FUT8: variants seen among roughly 807,000 people sequenced by gnomAD.
The protein encoded by FUT8 is alpha-(1,6)-fucosyltransferase.
Under a neutral mutation model 71.3 loss-of-function variants are expected in FUT8, and 29 were observed. The ratio of observed to expected loss-of-function variants is 0.41; its 90% CI spans 0.30 to 0.55. The LOEUF is 0.55. FUT8 is among the 20% of genes least tolerant of loss of function. The pLI is 0.34. For synonymous variants in FUT8, 254 were observed against 239.3 expected (o/e 1.06, Z -0.57); for missense variants, 544 against 702.1 (o/e 0.77, Z 2.55).
At chr14:65,385,345 A>G in the FUT8 span, among the ~76,000 whole-genome samples, 13 of 99,900 alleles carry the variant, frequency 1.3e-4, no homozygotes, top group African/African-American at 4.8e-4. Flanking sequence ...TGTATGCACT[A>G]TGCTTAAAAA....
At chr14:65,640,729 CA>C (rs1209812166) in intron 6 of FUT8, among the ~76,000 whole-genome samples, 1 of 151,926 alleles carries the variant, frequency 6.6e-6, no homozygotes, top group East Asian at 1.9e-4. Flanking sequence ...AATGAATTAT[CA>C]ATGTAACACT....
At chr14:65,445,615 TAAG>T (rs745631259) in intron 1 of FUT8, among the ~76,000 whole-genome samples, 38 of 152,166 alleles carry the variant, frequency 2.5e-4, no homozygotes, top group Non-Finnish European at 4.7e-4. Flanking sequence ...TATGCTAACT[TAAG>T]AAATAAAATG....
chr14:65,520,649 G>C (rs1883019395), intron 2 of FUT8, among the ~76,000 whole-genome samples: 1 of 151,604 alleles, frequency 6.6e-6, no homozygotes, highest in African/African-American at 2.4e-5. Flanking sequence ...GATCATTTTA[G>C]TGTAGTTACT....
At chr14:65,516,148 C>G (rs1882691763) in intron 2 of FUT8, 2 of 151,142 alleles carry the variant, frequency 1.3e-5, no homozygotes, top group African/African-American at 4.9e-5. Context: ...GCATGGTACT[C>G]TAGCCTAGGC....
In FUT8 at chr14:65,439,954, G is replaced by GTGTATATATATA; in HGVS notation, c.-325-15666_-325-15665insGTATATATATAT. ...ATAAAGAAAATGTGTGTGTGTGTGT[G>GTGTATATATATA]TATATATATATATATATATATATAT... is the stretch of plus-strand genomic sequence containing the variant. On this transcript the variant is annotated intron_variant, in intron 1 of 10. Coordinates refer to ENST00000673929, the MANE Select transcript of FUT8 (RefSeq NM_001371533.1). 4.0e-3 allele frequency among the ~76,000 whole-genome samples: 297 copies of GTGTATATATATA among 74,864 alleles called. 6 individuals are homozygous for GTGTATATATATA. The highest frequency in any genetic ancestry group is 9.4e-3 in the African/African-American group (185 of 19,726). 49.1% of individuals were successfully genotyped at this position (74,864 alleles called of 152,430 possible). A position where few individuals can be genotyped will look rare whatever the true frequency, so the allele number is the denominator to read the frequency against.
intron 2 of FUT8, among the ~76,000 whole-genome samples, chr14:65,551,771 T>A (rs1885299105): frequency 6.6e-6 from 1 of 152,152 alleles, no homozygotes; most frequent in South Asian, 2.1e-4. Context: ...CCTGCTTATA[T>A]TTTTGGGGAG....
At chr14:65,656,135 A>G (rs140223107) in intron 6 of FUT8, among the ~76,000 whole-genome samples, 215 of 152,284 alleles carry the variant, frequency 1.4e-3, no homozygotes, top group African/African-American at 5.0e-3. Flanking sequence ...AGAAATGACC[A>G]ACATCCAAAT....
At chr14:65,606,048 T>G (rs1443300981) in intron 3 of FUT8, among the ~76,000 whole-genome samples, 1 of 150,812 alleles carries the variant, frequency 6.6e-6, no homozygotes, top group Non-Finnish European at 1.5e-5. Context: ...ACTTGTCTAT[T>G]AATTTTATTG....
chr14:65,492,936 C>G (rs2066503445), intron 2 of FUT8, among the ~76,000 whole-genome samples: 1 of 152,016 alleles, frequency 6.6e-6, no homozygotes, highest in Non-Finnish European at 1.5e-5. Flanking sequence ...TCCCTTCTCT[C>G]CTCCCCTTTA....
At chr14:65,600,492 A>G (rs1888236458) in intron 3 of FUT8, among the ~76,000 whole-genome samples, 1 of 152,228 alleles carries the variant, frequency 6.6e-6, no homozygotes, top group African/African-American at 2.4e-5. Context: ...AAGCGCTTAC[A>G]TTAAATAAGT....
chr14:65,517,556 A>G (rs1193918850), intron 2 of FUT8, among the ~76,000 whole-genome samples: 1 of 152,220 alleles, frequency 6.6e-6, no homozygotes. Context: ...CACAGTCAAC[A>G]TATGCATATT....
At chr14:65,569,001 A>G (rs928307570) in intron 3 of FUT8, among the ~76,000 whole-genome samples, 1 of 151,724 alleles carries the variant, frequency 6.6e-6, no homozygotes, top group African/African-American at 2.4e-5. Context: ...AGATATTTCT[A>G]TTGAGTGTAG....
the FUT8 span, among the ~76,000 whole-genome samples, chr14:65,372,493 G>A: frequency 2.0e-5 from 3 of 150,860 alleles, no homozygotes; most frequent in Non-Finnish European, 4.4e-5. Flanking sequence ...TTGGCTCACT[G>A]CAACCTCTGC....
intron 2 of FUT8, among the ~76,000 whole-genome samples, chr14:65,488,754 G>A (rs890354046): frequency 6.6e-6 from 1 of 152,082 alleles, no homozygotes; most frequent in African/African-American, 2.4e-5. Flanking sequence ...GACTGTGTTG[G>A]TTAGCATCCA....
At chr14:65,729,038 T>G (rs1370524460) in intron 9 of FUT8, among the ~76,000 whole-genome samples, 3 of 130,730 alleles carry the variant, frequency 2.3e-5, no homozygotes, top group East Asian at 2.4e-4. Context: ...AAACATGTTT[T>G]TTTTTTTTTT....
rs1233406129 is a variant in FUT8, at chr14:65,660,492, A to G, written c.598-8751A>G. ...TGCCTTTGCTGCAGTCTTTCAGTCTATAAACTCTGTATCTTGGTATCTTTC... is the reference window on the plus strand; with the variant it reads ...TGCCTTTGCTGCAGTCTTTCAGTCTGTAAACTCTGTATCTTGGTATCTTTC... On this transcript the variant is annotated intron_variant, in intron 6 of 10. Coordinates refer to ENST00000673929, the MANE Select transcript of FUT8 (RefSeq NM_001371533.1). This position sits in a 1 kb window ranked among gnomAD's most constrained non-coding sequence, Gnocchi z 4.1. 3.9e-5 allele frequency among the ~76,000 whole-genome samples: 6 copies of G among 152,164 alleles called. No individual in the cohort carries two copies. Among genetic ancestry groups the G allele is most frequent in the African/African-American group, 1.2e-4 (5 of 41,444 alleles).
At chr14:65,444,915 AG>A (rs2065715707) in intron 1 of FUT8, among the ~76,000 whole-genome samples, 1 of 152,156 alleles carries the variant, frequency 6.6e-6, no homozygotes, top group African/African-American at 2.4e-5. Flanking sequence ...TGTTATAAAA[AG>A]GGCTTGCGGC....
chr14:65,610,053 T>C (rs995906436), intron 3 of FUT8, among the ~76,000 whole-genome samples: 1 of 151,938 alleles, frequency 6.6e-6, no homozygotes, highest in South Asian at 2.1e-4. Flanking sequence ...TATAGAAATA[T>C]AGAATTGAAT....
chr14:65,738,812 T>C (rs570386083), intron 10 of FUT8, among the ~76,000 whole-genome samples: 6 of 152,196 alleles, frequency 3.9e-5, no homozygotes, highest in Admixed American at 3.3e-4. Context: ...TAAAATTACT[T>C]CCTCTTAATG....
Sources: allele counts gnomAD v4.1 joint callset (sites outside exome capture counted in the v4.1 genomes callset), GRCh38; gene constraint gnomAD v4.1.1; non-coding constraint Gnocchi (gnomAD v3.1); transcripts MANE v1.5; gene names NCBI Gene and HGNC (gene_info 2026-07-23, HGNC 2026-07-21).